CDK6: variants seen among roughly 807,000 people sequenced by gnomAD.
CDK6 encodes cyclin dependent kinase 6, also known as cyclin-dependent kinase 6.
In CDK6, 6 loss-of-function variants were observed where a neutral mutation model predicts 37.1. The observed-to-expected ratio is 0.16, with a 90% CI of 0.09 to 0.32. The LOEUF is 0.32. Ranked by LOEUF, CDK6 falls within the 10% of genes least tolerant of loss-of-function variation. CDK6 has a pLI of 1.00. For missense variants in CDK6, 224 were observed against 418.9 expected (o/e 0.53, Z 4.06); for synonymous variants, 160 against 161.3 (o/e 0.99, Z 0.06).
chr7:92,735,117 C>T lies in CDK6; in HGVS notation c.370-9324G>A, dbSNP rs1798753742. On this transcript the variant is annotated intron_variant, in intron 3 of 7. Coordinates refer to ENST00000424848, the MANE Select transcript of CDK6 (RefSeq NM_001145306.2). ...AAATCCCCTAATACTACTTTAATTT[C>T]ATATGATCATATCAGAGTTTCTCAA... Among the ~76,000 whole-genome samples, 4 of 152,282 alleles carry T rather than the reference C, an allele frequency of 2.6e-5. No individual in the cohort carries two copies. In the South Asian group the frequency reaches 8.3e-4, roughly 32 times the overall value.
chr7:92,827,086 T>C (rs748213967), intron 2 of CDK6, among the ~76,000 whole-genome samples: 4 of 152,186 alleles, frequency 2.6e-5, no homozygotes, highest in Admixed American at 1.3e-4. Flanking sequence ...AGTTTATATC[T>C]ACAATGCATA....
At chr7:92,658,599 C>T (rs1796762101) in intron 5 of CDK6, among the ~76,000 whole-genome samples, 1 of 152,070 alleles carries the variant, frequency 6.6e-6, no homozygotes, top group South Asian at 2.1e-4. Context: ...CTCTCTCTCT[C>T]TCTCTCTCAT....
At chr7:92,815,033 A>T (rs1023334560) in intron 2 of CDK6, among the ~76,000 whole-genome samples, 2 of 152,204 alleles carry the variant, frequency 1.3e-5, no homozygotes, top group African/African-American at 4.8e-5. Flanking sequence ...GGCACCGTGG[A>T]GGAAGCAGAA....
chr7:92,687,653 C>T (rs1797492550), intron 4 of CDK6, among the ~76,000 whole-genome samples: 1 of 152,044 alleles, frequency 6.6e-6, no homozygotes. Context: ...TGTATAATTG[C>T]CTAAGGCATT....
intron 2 of CDK6, among the ~76,000 whole-genome samples, chr7:92,827,502 G>A (rs980406483): frequency 3.9e-5 from 6 of 152,162 alleles, no homozygotes; most frequent in Non-Finnish European, 8.8e-5. Context: ...TACATGTGCA[G>A]CTGGTAAAAT....
At chr7:92,725,272 T>C (rs1484163415) in intron 4 of CDK6, 1 of 985,444 alleles carries the variant, frequency 1.0e-6, no homozygotes, top group Non-Finnish European at 1.2e-6. Flanking sequence ...TTGCTCGTGC[T>C]CTTTCTTCCC....
At chr7:92,831,450 T>C (rs1008757998) in intron 2 of CDK6, among the ~76,000 whole-genome samples, 4 of 152,204 alleles carry the variant, frequency 2.6e-5, no homozygotes, top group African/African-American at 9.7e-5. Flanking sequence ...CTTAAAATTG[T>C]AGTGGTGGAA....
chr7:92,714,404 A>T (rs1798173448), intron 4 of CDK6, among the ~76,000 whole-genome samples: 1 of 152,176 alleles, frequency 6.6e-6, no homozygotes, highest in South Asian at 2.1e-4. Context: ...TGTGGGTGGG[A>T]AAGCAAGAAT....
intron 3 of CDK6, among the ~76,000 whole-genome samples, chr7:92,734,250 G>A (rs1007607727): frequency 2.0e-5 from 3 of 152,072 alleles, no homozygotes; most frequent in Non-Finnish European, 4.4e-5. Context: ...TCCCACTATA[G>A]CGGGTCTGGT....
chr7:92,785,416 A>G (rs1430259018), intron 2 of CDK6, among the ~76,000 whole-genome samples: 2 of 152,112 alleles, frequency 1.3e-5, no homozygotes, highest in Non-Finnish European at 2.9e-5. Context: ...GGGACTGATA[A>G]TGTGTACTGG....
intron 4 of CDK6, among the ~76,000 whole-genome samples, chr7:92,718,116 C>G (rs1344327130): frequency 6.6e-6 from 1 of 152,172 alleles, no homozygotes; most frequent in East Asian, 1.9e-4. Context: ...TTCCACTTCC[C>G]TCACTGGTGA....
chr7:92,713,667 T>TAAAAAAAAAAAAAAAAAAA (rs535072218), intron 4 of CDK6, among the ~76,000 whole-genome samples: 1 of 67,218 alleles, frequency 1.5e-5, no homozygotes, highest in African/African-American at 5.1e-5. Context: ...TTAAAAAAAG[T>TAAAAAAAAAAAAAAAAAAA]AAAAAAAAAA....
At chr7:92,701,515 C>T (rs1797844329) in intron 4 of CDK6, among the ~76,000 whole-genome samples, 2 of 151,944 alleles carry the variant, frequency 1.3e-5, no homozygotes, top group Admixed American at 6.6e-5. Flanking sequence ...AGGCCATTCT[C>T]CTGCCTCAGC....
At chr7:92,809,840 A>G (rs1007945417) in intron 2 of CDK6, among the ~76,000 whole-genome samples, 3 of 152,246 alleles carry the variant, frequency 2.0e-5, no homozygotes, top group African/African-American at 4.8e-5. Flanking sequence ...ATTCGATATC[A>G]TTAGCCAGAG....
intron 4 of CDK6, among the ~76,000 whole-genome samples, chr7:92,710,138 T>TCC (rs1418678966): frequency 6.6e-6 from 1 of 152,206 alleles, no homozygotes; most frequent in African/African-American, 2.4e-5. Context: ...CCAACAGCCA[T>TCC]CCCCTGCTTT....
chr7:92,615,677 A>G (rs1795660660), intron 7 of CDK6, among the ~76,000 whole-genome samples: 1 of 152,178 alleles, frequency 6.6e-6, no homozygotes, highest in African/African-American at 2.4e-5. Flanking sequence ...CTTTTAATTA[A>G]TACCAAGGTG....
intron 2 of CDK6, among the ~76,000 whole-genome samples, chr7:92,784,503 T>C (rs1385649344): frequency 6.6e-6 from 1 of 152,022 alleles, no homozygotes; most frequent in Admixed American, 6.6e-5. Flanking sequence ...CTAGACATGA[T>C]GAACTTTTAG....
At chr7:92,641,499 G>C (rs1040890297) in intron 5 of CDK6, among the ~76,000 whole-genome samples, 1 of 151,942 alleles carries the variant, frequency 6.6e-6, no homozygotes, top group Non-Finnish European at 1.5e-5. Context: ...CATATTTTTT[G>C]AGCATTTTCT....
chr7:92,700,407 CAGT>C (rs1342302880), intron 4 of CDK6, among the ~76,000 whole-genome samples: 2 of 152,214 alleles, frequency 1.3e-5, no homozygotes, highest in East Asian at 1.9e-4. Context: ...AAAACCACAG[CAGT>C]AGGAGAGGAA....
Sources: gnomAD v4.1 joint callset for allele counts (sites outside exome capture counted in the v4.1 genomes callset) on GRCh38, gnomAD v4.1.1 for gene constraint, MANE v1.5 for transcripts, NCBI Gene and HGNC (gene_info 2026-07-23, HGNC 2026-07-21) for gene names.